Variants in PIWIL3 observed in about 807,000 individuals in gnomAD.
PIWIL3 encodes piwi-like protein 3.
Under a neutral mutation model 109.7 loss-of-function variants are expected in PIWIL3, and 101 were observed. The observed-to-expected ratio is 0.92, with a 90% CI of 0.78 to 1.09. PIWIL3 has a LOEUF of 1.09. Among genes scored for constraint, PIWIL3 ranks in the 50% least tolerant of loss-of-function variants. The pLI is 0.00. For missense variants in PIWIL3, 1,031 were observed against 1,072.6 expected (o/e 0.96, Z 0.54); for synonymous variants, 373 against 376.4 (o/e 0.99, Z 0.10).
chr22:24,731,457 C>A (rs1249252821), intron 14 of PIWIL3, among the ~76,000 whole-genome samples: 2 of 151,534 alleles, frequency 1.3e-5, no homozygotes, highest in African/African-American at 4.9e-5. Context: ...TTGAGACCAT[C>A]CCGGCTAACA....
chr22:24,759,843 C>T (rs1223708859), intron 3 of PIWIL3, 26 bp downstream of exon 3: 1 of 1,613,826 alleles, frequency 6.2e-7, no homozygotes. Flanking sequence ...TCCCCTGCCC[C>T]TCATGTCCTT....
chr22:24,768,550 C>T (rs1174688611), intron 1 of PIWIL3, among the ~76,000 whole-genome samples: 8 of 152,152 alleles, frequency 5.3e-5, no homozygotes, highest in African/African-American at 1.9e-4. Context: ...CCACGCCTGG[C>T]CTGTTTTCCC....
intron 8 of PIWIL3, among the ~76,000 whole-genome samples, chr22:24,752,622 G>A (rs1005370098): frequency 2.0e-5 from 3 of 152,006 alleles, no homozygotes; most frequent in African/African-American, 7.2e-5. Flanking sequence ...TCAGCTTTCC[G>A]CTCCTAAACC....
At chr22:24,761,024 GCA>G (rs1160550072) in intron 2 of PIWIL3, among the ~76,000 whole-genome samples, 1 of 152,052 alleles carries the variant, frequency 6.6e-6, no homozygotes. Flanking sequence ...TAGGATGAAA[GCA>G]CAGACTTTTG....
intron 2 of PIWIL3, 45 bp from the exon 3 acceptor site, chr22:24,760,034 G>A: frequency 6.2e-7 from 1 of 1,606,496 alleles, no homozygotes; most frequent in Non-Finnish European, 8.5e-7. Context: ...GCCCTACTGT[G>A]TTCATTCTCC....
At chr22:24,736,965 T>A (rs554163941) in intron 12 of PIWIL3, among the ~76,000 whole-genome samples, 1 of 152,308 alleles carries the variant, frequency 6.6e-6, no homozygotes, top group Non-Finnish European at 1.5e-5. Flanking sequence ...GCTGGGGTGC[T>A]CTGTGGCCCT....
chr22:24,772,551 T>G (rs1156322357), intron 1 of PIWIL3, among the ~76,000 whole-genome samples: 1 of 152,156 alleles, frequency 6.6e-6, no homozygotes, highest in African/African-American at 2.4e-5. Context: ...GCTCAGCAGG[T>G]GCTGAGTGCT....
At chr22:24,757,310 T>TA (rs1243726284) in intron 4 of PIWIL3, among the ~76,000 whole-genome samples, 1 of 151,802 alleles carries the variant, frequency 6.6e-6, no homozygotes, top group Admixed American at 6.6e-5. Context: ...TATTTAATTT[T>TA]AAAAAAAGTC....
intron 1 of PIWIL3, among the ~76,000 whole-genome samples, chr22:24,767,282 T>C (rs1302103189): frequency 6.6e-6 from 1 of 151,940 alleles, no homozygotes; most frequent in African/African-American, 2.4e-5. Flanking sequence ...AGGCCTGCAA[T>C]CCCAGCACTT....
At chr22:24,761,011 A>AGATAG (rs1925406584) in intron 2 of PIWIL3, among the ~76,000 whole-genome samples, 1 of 151,912 alleles carries the variant, frequency 6.6e-6, no homozygotes, top group Non-Finnish European at 1.5e-5. Context: ...GAGGTCATGG[A>AGATAG]GATAGGATGA....
intron 12 of PIWIL3, among the ~76,000 whole-genome samples, chr22:24,745,362 C>T (rs1348135639): frequency 6.6e-6 from 1 of 151,964 alleles, no homozygotes; most frequent in African/African-American, 2.4e-5. Flanking sequence ...TTTGGGAGGC[C>T]GAGATGGGCA....
chr22:24,757,669 C>T (rs1013647306), intron 4 of PIWIL3, among the ~76,000 whole-genome samples: 53 of 122,826 alleles, frequency 4.3e-4, no homozygotes, highest in Non-Finnish European at 7.5e-4. Flanking sequence ...TACACACACA[C>T]ACACACACAC....
At chr22:24,771,053 CT>C (rs1406157754) in intron 1 of PIWIL3, among the ~76,000 whole-genome samples, 1 of 152,168 alleles carries the variant, frequency 6.6e-6, no homozygotes, top group East Asian at 1.9e-4. Context: ...TTCACCACCC[CT>C]GCGTGCTCCC....
intron 16 of PIWIL3, among the ~76,000 whole-genome samples, chr22:24,726,912 G>A (rs2147651985): frequency 6.6e-6 from 1 of 152,290 alleles, no homozygotes; most frequent in South Asian, 2.1e-4. Flanking sequence ...TGTGCAAAGA[G>A]GACTGCAAAC....
intron 2 of PIWIL3, among the ~76,000 whole-genome samples, chr22:24,760,521 C>T (rs1369109749): frequency 6.6e-6 from 1 of 151,634 alleles, no homozygotes; most frequent in Non-Finnish European, 1.5e-5. Flanking sequence ...GGTGCAGTGG[C>T]TCACGCCTGT....
chr22:24,746,838 G>T (rs191969262), intron 12 of PIWIL3, among the ~76,000 whole-genome samples: 50 of 152,046 alleles, frequency 3.3e-4, no homozygotes, highest in African/African-American at 1.2e-3. Flanking sequence ...ACTGATGCAA[G>T]AAATTTAAGA....
chr22:24,751,443 C>A lies in PIWIL3; in HGVS notation c.1033G>T (p.Asp345Tyr). ...DDIDWKQNPE[D>Y]TFNKSDGSKI... is the part of the protein sequence containing the mutation. ...CTGCCATCTGATTTGTTAAATGTGT[C>A]TTCAGGATTCTGCTTCCAATCAATA... Residue 345 changes from aspartate (D) to tyrosine (Y), a missense_variant, in exon 9 of 21, where the codon GAC (aspartate) becomes TAC (tyrosine). Asp to Tyr is a radical substitution (Grantham distance 160, BLOSUM62 -3). Transcript: ENST00000616349. 6.2e-7 allele frequency: 1 copy of A among 1,613,922 alleles called. No individual in the cohort carries two copies. Among genetic ancestry groups the A allele is most frequent in the Non-Finnish European group, 8.5e-7 (1 of 1,179,978 alleles).
chr22:24,769,285 C>T (rs2147733718), intron 1 of PIWIL3, among the ~76,000 whole-genome samples: 1 of 152,224 alleles, frequency 6.6e-6, no homozygotes, highest in South Asian at 2.1e-4. Context: ...TTCCCCGGGC[C>T]ACATTGGAAG....
chr22:24,752,785 C>A (rs1358520630), intron 8 of PIWIL3, among the ~76,000 whole-genome samples: 1 of 152,156 alleles, frequency 6.6e-6, no homozygotes, highest in East Asian at 1.9e-4. Flanking sequence ...AATATTCCTA[C>A]AAGCAGCATA....
Sources: allele counts gnomAD v4.1 joint callset (sites outside exome capture counted in the v4.1 genomes callset), GRCh38; gene constraint gnomAD v4.1.1; transcripts MANE v1.5; gene names NCBI Gene and HGNC (gene_info 2026-07-23, HGNC 2026-07-21).